Variants in HS3ST3A1 observed in about 807,000 individuals in gnomAD.
HS3ST3A1 encodes heparan sulfate glucosamine 3-O-sulfotransferase 3A1.
A neutral mutation model predicts 25.7 loss-of-function variants in HS3ST3A1; 19 were observed. That is an observed-to-expected ratio of 0.74 (90% confidence interval 0.52 to 1.08). The LOEUF is 1.08. Among genes scored for constraint, HS3ST3A1 ranks in the 50% least tolerant of loss-of-function variants. The pLI is 0.00. For missense variants in HS3ST3A1, 459 were observed against 594.3 expected (o/e 0.77, Z 2.37); for synonymous variants, 226 against 278.6 (o/e 0.81, Z 1.88).
intron 1 of HS3ST3A1, among the ~76,000 whole-genome samples, chr17:13,565,264 G>C (rs936124765): frequency 6.6e-6 from 1 of 152,036 alleles, no homozygotes; most frequent in Admixed American, 6.6e-5. Context: ...GAGGCCAGGC[G>C]CAGTTGCCCC....
intron 1 of HS3ST3A1, among the ~76,000 whole-genome samples, chr17:13,529,152 A>T (rs919563847): frequency 6.6e-6 from 1 of 152,210 alleles, no homozygotes; most frequent in Non-Finnish European, 1.5e-5. Context: ...ACTTCTATGT[A>T]GGTGGTTTCC....
intron 1 of HS3ST3A1, among the ~76,000 whole-genome samples, chr17:13,554,872 A>G (rs1907331035): frequency 6.6e-6 from 1 of 152,070 alleles, no homozygotes; most frequent in Non-Finnish European, 1.5e-5. Context: ...AACGATGGTA[A>G]TATCCCCATA....
intron 1 of HS3ST3A1, among the ~76,000 whole-genome samples, chr17:13,588,414 T>C (rs1908334738): frequency 1.3e-5 from 2 of 152,174 alleles, no homozygotes; most frequent in East Asian, 1.9e-4. Context: ...ATCCATAGCA[T>C]ACAATGTTCA....
At chr17:13,515,663 GC>G (rs1906031029) in intron 1 of HS3ST3A1, among the ~76,000 whole-genome samples, 1 of 152,042 alleles carries the variant, frequency 6.6e-6, no homozygotes, top group African/African-American at 2.4e-5. Context: ...ATAGTAAGGA[GC>G]AAAATTGCTG....
At chr17:13,536,779 A>G (rs1906782765) in intron 1 of HS3ST3A1, among the ~76,000 whole-genome samples, 1 of 152,180 alleles carries the variant, frequency 6.6e-6, no homozygotes, top group East Asian at 1.9e-4. Flanking sequence ...TCAAAAGATC[A>G]CCATACTTAG....
In HS3ST3A1 at chr17:13,597,538, A is replaced by G. The variant is rs1319021866; in HGVS notation, c.599+2993T>C. Among the ~76,000 whole-genome samples, 5 of 152,152 alleles carry G rather than the reference A, an allele frequency of 3.3e-5. No individual in the cohort carries two copies. The East Asian group carries it at 9.6e-4, about 29-fold the overall frequency. On this transcript the variant is annotated intron_variant, in intron 1 of 1. Transcript: ENST00000284110. ...CAAGCCACAGACATTTGTTTTAGTG[A>G]TATCATGTCTGCTAAATTAAGTAAT...
At chr17:13,585,826 A>C (rs1343524212) in intron 1 of HS3ST3A1, among the ~76,000 whole-genome samples, 1 of 111,036 alleles carries the variant, frequency 9.0e-6, no homozygotes. Context: ...GAGACCTGTT[A>C]TTCCTCCTTC....
chr17:13,573,267 A>T (rs1042984758), intron 1 of HS3ST3A1, among the ~76,000 whole-genome samples: 2 of 151,352 alleles, frequency 1.3e-5, no homozygotes, highest in Non-Finnish European at 2.9e-5. Context: ...TTCTTCCAAG[A>T]CCTCCTCCTC....
chr17:13,529,644 G>T (rs2142330027), intron 1 of HS3ST3A1, among the ~76,000 whole-genome samples: 1 of 152,242 alleles, frequency 6.6e-6, no homozygotes, highest in East Asian at 1.9e-4. Context: ...TATGTTTGTT[G>T]AATTCATTTC....
intron 1 of HS3ST3A1, among the ~76,000 whole-genome samples, chr17:13,539,364 G>C (rs1471065356): frequency 6.6e-6 from 1 of 152,204 alleles, no homozygotes; most frequent in East Asian, 1.9e-4. Flanking sequence ...GGGAGAAATA[G>C]TTGGCATATC....
chr17:13,531,607 A>T (rs571172103), intron 1 of HS3ST3A1, among the ~76,000 whole-genome samples: 185 of 151,110 alleles, frequency 1.2e-3, no homozygotes, highest in Non-Finnish European at 1.6e-3. Context: ...CTTGGCCCAG[A>T]CTAAGCAAAT....
rs778337155 is a variant in HS3ST3A1 at position 13,600,598 on chromosome 17, C to T, written c.532G>A (p.Val178Met). The part of the protein sequence containing the change: ...LLEFLRVHPD[V>M]RAVGAEPHFF... ...TGGGGCTCGGCGCCCACGGCGCGCACGTCGGGGTGCACGCGCAGGAACTCC... is the reference window on the plus strand; with the variant it reads ...TGGGGCTCGGCGCCCACGGCGCGCATGTCGGGGTGCACGCGCAGGAACTCC... Residue 178 changes from valine (V) to methionine (M), a missense_variant, in exon 1 of 2, where the codon GTG (valine) becomes ATG (methionine). Coordinates refer to ENST00000284110, the MANE Select transcript of HS3ST3A1 (RefSeq NM_006042.3). The T allele has an allele frequency of 6.2e-7, 1 of 1,600,496 alleles. No homozygotes were observed.
At chr17:13,536,618 C>T (rs549430440) in intron 1 of HS3ST3A1, among the ~76,000 whole-genome samples, 1 of 152,186 alleles carries the variant, frequency 6.6e-6, no homozygotes, top group Non-Finnish European at 1.5e-5. Context: ...GTTTAACACC[C>T]CTAGGGTGAA....
chr17:13,540,896 C>T (rs544738780), intron 1 of HS3ST3A1, among the ~76,000 whole-genome samples: 2 of 152,220 alleles, frequency 1.3e-5, no homozygotes, highest in Non-Finnish European at 2.9e-5. Context: ...TTCATTTTCA[C>T]TTCAGTGTAA....
chr17:13,536,742 C>G (rs778804910), intron 1 of HS3ST3A1, among the ~76,000 whole-genome samples: 2 of 152,204 alleles, frequency 1.3e-5, no homozygotes, highest in African/African-American at 4.8e-5. Context: ...GGGCATGTAA[C>G]CCATGCAGTC....
At chr17:13,527,099 C>G (rs560975449) in intron 1 of HS3ST3A1, among the ~76,000 whole-genome samples, 2 of 152,286 alleles carry the variant, frequency 1.3e-5, no homozygotes, top group Admixed American at 6.5e-5. Flanking sequence ...CTTCCTCAAG[C>G]CCCAAGAGCT....
intron 1 of HS3ST3A1, among the ~76,000 whole-genome samples, chr17:13,508,076 C>G (rs193149023): frequency 6.6e-6 from 1 of 152,128 alleles, no homozygotes; most frequent in African/African-American, 2.4e-5. Flanking sequence ...CCACACCAAC[C>G]GAATCTGGAT....
chr17:13,507,459 A>G (rs1290470316), intron 1 of HS3ST3A1, among the ~76,000 whole-genome samples: 1 of 152,246 alleles, frequency 6.6e-6, no homozygotes, highest in East Asian at 1.9e-4. Flanking sequence ...AGGGAACATC[A>G]GAGTGACTCT....
At chr17:13,572,492 T>A (rs12943188) in intron 1 of HS3ST3A1, among the ~76,000 whole-genome samples, 1 of 151,920 alleles carries the variant, frequency 6.6e-6, no homozygotes, top group Non-Finnish European at 1.5e-5. Context: ...GAAATACCCA[T>A]GAAAAAAGGG....
Sources: allele counts gnomAD v4.1 joint callset (sites outside exome capture counted in the v4.1 genomes callset), GRCh38; gene constraint gnomAD v4.1.1; transcripts MANE v1.5; gene names NCBI Gene and HGNC (gene_info 2026-07-23, HGNC 2026-07-21).